The following SEC62 variants were observed in gnomAD, a reference collection of about 807,000 sequenced individuals.
SEC62 encodes SEC62 preprotein translocation factor.
Under a neutral mutation model 47.5 loss-of-function variants are expected in SEC62, and 10 were observed. The observed-to-expected ratio is 0.21, with a 90% CI of 0.13 to 0.36. The LOEUF (loss-of-function observed/expected upper bound fraction) is 0.36, where lower values mean the gene tolerates loss of function less well. SEC62 is among the 10% of genes least tolerant of loss of function. SEC62 has a pLI of 1.00. For synonymous variants in SEC62, 136 were observed against 150.5 expected, an observed-to-expected ratio of 0.90 and a Z score of 0.71; for missense variants, 327 against 464.1, an observed-to-expected ratio of 0.70 and a Z score of 2.71.
intron 5 of SEC62, chr3:169,985,563 A>G: frequency 8.5e-6 from 3 of 351,612 alleles, no homozygotes; most frequent in Non-Finnish European, 1.5e-5. Context: ...AAGTGTATGT[A>G]AGAACATACA....
intron 6 of SEC62, among the ~76,000 whole-genome samples, chr3:169,986,579 G>C (rs1432962998): frequency 2.6e-5 from 4 of 152,090 alleles, no homozygotes; most frequent in African/African-American, 4.8e-5. Flanking sequence ...AGTAAGAATA[G>C]TATAAGCTCA....
At chr3:169,975,582 AC>A in intron 1 of SEC62, 25 bp from the exon 2 acceptor site, 1 of 1,363,124 alleles carries the variant, frequency 7.3e-7, no homozygotes, top group Non-Finnish European at 1.0e-6. Context: ...ATATGATTAT[AC>A]TAAATTAATA....
Position 169,993,181 on chromosome 3 carries a change from T to G in SEC62, c.*118T>G. ...TTCTTTAAATCTATCTACTGAAATG[T>G]ATTTGACATTCAAGCAGTTATATTC... On this transcript the variant is annotated 3_prime_UTR_variant, in exon 8 of 8. Coordinates refer to ENST00000337002, the MANE Select transcript of SEC62 (RefSeq NM_003262.4). 1 of 750,372 alleles carries G rather than the reference T, an allele frequency of 1.3e-6. No homozygotes were observed. The highest frequency in any genetic ancestry group is 2.1e-6 in the Non-Finnish European group (1 of 465,760). 46.5% of individuals were successfully genotyped at this position (750,372 alleles called of 1,614,324 possible).
At chr3:169,988,107 A>G (rs1715150982) in intron 6 of SEC62, 133 bp from the exon 7 acceptor site, 11 of 938,162 alleles carry the variant, frequency 1.2e-5, no homozygotes, top group African/African-American at 1.7e-5. Flanking sequence ...TTTTTTACCT[A>G]TAAAAATGGC....
intron 1 of SEC62, 131 bp from the exon 2 acceptor site, chr3:169,975,477 T>C: frequency 1.8e-6 from 1 of 563,062 alleles, no homozygotes. Context: ...ATTAGGTCGC[T>C]CCAGAGAAAG....
chr3:169,967,209 A>G (rs1197470603), intron 1 of SEC62, among the ~76,000 whole-genome samples: 1 of 152,052 alleles, frequency 6.6e-6, no homozygotes, highest in Non-Finnish European at 1.5e-5. Context: ...GCAGACGCTG[A>G]CCCTTCCCGG....
In SEC62 at chr3:169,994,324, A is replaced by G. The variant is rs574707722; in HGVS notation, c.*1261A>G. 6.5e-6 allele frequency: 1 copy of G among 152,744 alleles called. No individual in the cohort carries two copies. Among genetic ancestry groups the G allele is most frequent in the East Asian group, 1.9e-4 (1 of 5,196 alleles). The allele number at this position is 152,744 out of a possible 1,614,324, so 9.5% of individuals were successfully genotyped here. A position where few individuals can be genotyped will look rare whatever the true frequency, so the allele number is the denominator to read the frequency against. ...GTTATACTAACTAATAATGAATATT[A>G]AATGATTTTTCTTCAGTCACAGTGA... is the stretch of plus-strand genomic sequence containing the variant. On this transcript the variant is annotated 3_prime_UTR_variant, in exon 8 of 8. Coordinates refer to ENST00000337002, the MANE Select transcript of SEC62 (RefSeq NM_003262.4).
chr3:169,991,921 C>T (rs991043040), intron 7 of SEC62, among the ~76,000 whole-genome samples: 4 of 151,824 alleles, frequency 2.6e-5, no homozygotes, highest in African/African-American at 7.3e-5. Context: ...GTATTTTATT[C>T]GTGTTTATAC....
rs756128689 is a variant in SEC62, at chr3:169,983,157, A to G, written c.457-4A>G. 8.1e-6 allele frequency: 13 copies of G among 1,603,848 alleles called. No individual in the cohort carries two copies. In the South Asian group the frequency reaches 1.3e-4, roughly 16 times the overall value. On this transcript the variant is annotated splice_region_variant and splice_polypyrimidine_tract_variant and intron_variant, in intron 4 of 7. Coordinates refer to ENST00000337002, the MANE Select transcript of SEC62 (RefSeq NM_003262.4). Reference sequence around the variant, plus strand: ...TTTCTTCTGTCCAACTTGTGTTTTCATAGGAGGAAACTCCAGGAACTCCTA... The same window carrying G: ...TTTCTTCTGTCCAACTTGTGTTTTCGTAGGAGGAAACTCCAGGAACTCCTA...
At chr3:169,975,093 C>T (rs1714800477) in intron 1 of SEC62, among the ~76,000 whole-genome samples, 1 of 152,082 alleles carries the variant, frequency 6.6e-6, no homozygotes, top group South Asian at 2.1e-4. Context: ...CCACCCTAGC[C>T]AACGTGGCGA....
chr3:169,995,022 C>T lies in SEC62; in HGVS notation c.*1959C>T, dbSNP rs1046121699. On this transcript the variant is annotated 3_prime_UTR_variant, in exon 8 of 8. Coordinates refer to ENST00000337002, the MANE Select transcript of SEC62 (RefSeq NM_003262.4). ...TTAGAAAGTGAATTAGAAATTTCAG[C>T]TCAGTTTCTATTTTACTATTCAAGT... 4.6e-5 allele frequency: 7 copies of T among 152,094 alleles called. No individual in the cohort carries two copies. Among genetic ancestry groups the T allele is most frequent in the Admixed American group, 4.6e-4 (7 of 15,264 alleles). 9.4% of individuals were successfully genotyped at this position (152,094 alleles called of 1,614,324 possible).
At chr3:169,987,247 C>T (rs1213051672) in intron 6 of SEC62, among the ~76,000 whole-genome samples, 4 of 151,826 alleles carry the variant, frequency 2.6e-5, no homozygotes, top group African/African-American at 4.8e-5. Context: ...GGCAACATGG[C>T]GAAACCTCGT....
intron 6 of SEC62, among the ~76,000 whole-genome samples, chr3:169,987,218 A>C (rs1173658458): frequency 6.6e-6 from 1 of 152,028 alleles, no homozygotes; most frequent in African/African-American, 2.4e-5. Flanking sequence ...CTTGAATCCA[A>C]GGGTTCGAAA....
chr3:169,982,459 A>T (rs1483534565), intron 3 of SEC62, among the ~76,000 whole-genome samples: 1 of 152,164 alleles, frequency 6.6e-6, no homozygotes, highest in African/African-American at 2.4e-5. Context: ...TTTTATACTT[A>T]AGGTACATCA....
intron 1 of SEC62, among the ~76,000 whole-genome samples, chr3:169,971,144 C>T (rs1451847608): frequency 6.6e-6 from 1 of 151,504 alleles, no homozygotes; most frequent in Non-Finnish European, 1.5e-5. Context: ...CATCATAGCT[C>T]ACTAGAGACT....
intron 3 of SEC62, among the ~76,000 whole-genome samples, chr3:169,982,159 A>C (rs1489699690): frequency 1.3e-5 from 2 of 152,178 alleles, no homozygotes; most frequent in Admixed American, 1.3e-4. Context: ...AGAGTCCAAA[A>C]ATCTCACCTT....
In SEC62 at chr3:169,973,270, A is replaced by T. The variant is rs142018834; in HGVS notation, c.37-2338A>T. 5.7e-3 allele frequency among the ~76,000 whole-genome samples: 875 copies of T among 152,330 alleles called. 8 individuals carry two copies. The highest frequency in any genetic ancestry group is 0.02 in the African/African-American group (837 of 41,574). On this transcript the variant is annotated intron_variant, in intron 1 of 7. Coordinates refer to ENST00000337002, the MANE Select transcript of SEC62 (RefSeq NM_003262.4). The stretch of plus-strand genomic sequence containing the variant: ...GAATTTTTGCCTTTTATTATATCAG[A>T]AAGTATATTTTGCAGTCAGGCCTCA...
chr3:169,984,931 A>T (rs1715066929), intron 5 of SEC62, among the ~76,000 whole-genome samples: 1 of 152,196 alleles, frequency 6.6e-6, no homozygotes, highest in East Asian at 1.9e-4. Flanking sequence ...GTAAAATAAG[A>T]GCCTGATAAA....
At chr3:169,985,180 G>A (rs1238472127) in intron 5 of SEC62, 1 of 151,808 alleles carries the variant, frequency 6.6e-6, no homozygotes, top group Admixed American at 6.6e-5. Context: ...ATTACATTAG[G>A]GACAAAAAGG....
Sources: gnomAD v4.1 joint callset for allele counts (sites outside exome capture counted in the v4.1 genomes callset) on GRCh38, gnomAD v4.1.1 for gene constraint, MANE v1.5 for transcripts, NCBI Gene and HGNC (gene_info 2026-07-23, HGNC 2026-07-21) for gene names.